Variants in SH3KBP1 observed in about 807,000 individuals in gnomAD.
The protein encoded by SH3KBP1 is SH3 domain containing kinase binding protein 1, also known as SH3 domain-containing kinase-binding protein 1.
A neutral mutation model predicts 50.1 loss-of-function variants in SH3KBP1; 8 were observed. The ratio of observed to expected loss-of-function variants is 0.16; its 90% CI spans 0.09 to 0.29. SH3KBP1 has a LOEUF of 0.29. Among genes scored for constraint, SH3KBP1 ranks in the 10% least tolerant of loss-of-function variants. SH3KBP1 has a pLI of 1.00. For missense variants in SH3KBP1, 377 were observed against 535.2 expected (o/e 0.70, Z 2.92); for synonymous variants, 227 against 218.6 (o/e 1.04, Z -0.34).
At chrX:19,623,124 C>T (rs958840287) in intron 8 of SH3KBP1, among the ~76,000 whole-genome samples, 2 of 108,782 alleles carry the variant, frequency 1.8e-5, no homozygotes, top group East Asian at 5.7e-4. Flanking sequence ...GAATCATTTA[C>T]CCATGCTGCC....
Position 19,692,693 on chromosome X carries a change from T to A in SH3KBP1, c.520+2919A>T, listed in dbSNP as rs757511855. On this transcript the variant is annotated intron_variant, in intron 5 of 17. Transcript: ENST00000397821. ...TGTATGTATATATATATATATATTT[T>A]TTTTTTTTTTTAATAGTCTCTTTCT... 7.8e-3 allele frequency among the ~76,000 whole-genome samples: 771 copies of A among 98,628 alleles called. 11 individuals carry two copies. Among genetic ancestry groups the A allele is most frequent in the African/African-American group, 0.011 (279 of 26,071 alleles). The allele number at this position is 98,628 out of a possible 115,157, so 85.6% of individuals were successfully genotyped here.
At chrX:19,874,476 G>A (rs2069180973) in intron 1 of SH3KBP1, among the ~76,000 whole-genome samples, 1 of 78,283 alleles carries the variant, frequency 1.3e-5, no homozygotes, top group South Asian at 8.2e-4. Flanking sequence ...TGAGGGGTGA[G>A]AGAAGAGAGG....
At chrX:19,626,534 C>T (rs1427511573) in intron 8 of SH3KBP1, among the ~76,000 whole-genome samples, 1 of 111,232 alleles carries the variant, frequency 9.0e-6, no homozygotes, top group East Asian at 2.8e-4. Flanking sequence ...GTTGGGGATG[C>T]CACTAACCGT....
chrX:19,561,654 T>C (rs1602476584), intron 13 of SH3KBP1, among the ~76,000 whole-genome samples: 1 of 111,500 alleles, frequency 9.0e-6, no homozygotes, highest in African/African-American at 3.3e-5. Flanking sequence ...CCAGTCATAA[T>C]GCACTGAGAA....
At chrX:19,704,842 C>A (rs1210218441) in intron 4 of SH3KBP1, among the ~76,000 whole-genome samples, 3 of 112,449 alleles carry the variant, frequency 2.7e-5, no homozygotes, top group Non-Finnish European at 5.6e-5. Flanking sequence ...TTGGAAAATA[C>A]AACTTAATTC....
Position 19,860,461 on chromosome X carries a change from G to C in SH3KBP1, c.5-24179C>G, listed in dbSNP as rs918069919. Among the ~76,000 whole-genome samples the C allele has an allele frequency of 2.0e-4, 22 of 110,728 alleles. 1 individual carries two copies. The highest frequency in any genetic ancestry group is 1.6e-3 in the Admixed American group (17 of 10,311). ...GTACAAGTGTGATTACCAGGGACTGGGGGGAGGGGGAATGAAAAGTAACTG... is the reference window on the plus strand; with the variant it reads ...GTACAAGTGTGATTACCAGGGACTGCGGGGAGGGGGAATGAAAAGTAACTG... On this transcript the variant is annotated intron_variant, in intron 1 of 17. Coordinates refer to ENST00000397821, the MANE Select transcript of SH3KBP1 (RefSeq NM_031892.3).
chrX:19,784,279 A>T (rs2066270876), intron 2 of SH3KBP1, among the ~76,000 whole-genome samples: 1 of 112,031 alleles, frequency 8.9e-6, no homozygotes, highest in African/African-American at 3.2e-5. Context: ...ATTCATTATA[A>T]AGATGATTAT....
chrX:19,562,711 T>C (rs1569288149), intron 13 of SH3KBP1, among the ~76,000 whole-genome samples: 1 of 110,896 alleles, frequency 9.0e-6, no homozygotes, highest in Non-Finnish European at 1.9e-5. Context: ...ATGCTGACTC[T>C]GCACATAGGT....
chrX:19,543,562 G>A (rs1425173163), intron 15 of SH3KBP1, among the ~76,000 whole-genome samples: 2 of 111,565 alleles, frequency 1.8e-5, no homozygotes, highest in Non-Finnish European at 3.8e-5. Flanking sequence ...TGAAGGTGTG[G>A]CCTGAAAGTT....
intron 6 of SH3KBP1, among the ~76,000 whole-genome samples, chrX:19,680,454 T>C (rs1048556928): frequency 3.7e-5 from 4 of 108,364 alleles, no homozygotes; most frequent in African/African-American, 1.4e-4. Context: ...CTGTTAATAA[T>C]GGTCAGATTC....
intron 13 of SH3KBP1, among the ~76,000 whole-genome samples, chrX:19,568,812 A>C (rs1375262063): frequency 8.8e-6 from 1 of 113,218 alleles, no homozygotes; most frequent in Non-Finnish European, 1.9e-5. Flanking sequence ...AACTGTGAAC[A>C]TAAGGGCTAA....
intron 12 of SH3KBP1, among the ~76,000 whole-genome samples, chrX:19,575,035 C>A (rs2066154549): frequency 8.9e-6 from 1 of 112,215 alleles, no homozygotes; most frequent in African/African-American, 3.2e-5. Context: ...GCCACTCAGA[C>A]TAATACAACA....
At chrX:19,876,440 G>C (rs951983909) in intron 1 of SH3KBP1, among the ~76,000 whole-genome samples, 1 of 111,581 alleles carries the variant, frequency 9.0e-6, no homozygotes, top group African/African-American at 3.3e-5. Flanking sequence ...TAATAACCCA[G>C]ATCAGCTGAG....
intron 6 of SH3KBP1, among the ~76,000 whole-genome samples, chrX:19,665,332 C>T (rs1196488541): frequency 1.8e-5 from 2 of 112,201 alleles, no homozygotes; most frequent in Non-Finnish European, 3.8e-5. Flanking sequence ...TCTGCCTTCA[C>T]TTTGCCAAAC....
intron 1 of SH3KBP1, among the ~76,000 whole-genome samples, chrX:19,875,654 G>C (rs921576354): frequency 8.9e-6 from 1 of 112,612 alleles, no homozygotes; most frequent in Non-Finnish European, 1.9e-5. Context: ...TGTGGGCATG[G>C]AGCAGCCACC....
chrX:19,816,761 C>T (rs2147310356), intron 2 of SH3KBP1, among the ~76,000 whole-genome samples: 1 of 111,760 alleles, frequency 8.9e-6, no homozygotes, highest in African/African-American at 3.2e-5. Context: ...TGAGCTGAGA[C>T]TGTGCCACTG....
intron 2 of SH3KBP1, among the ~76,000 whole-genome samples, chrX:19,830,825 C>A (rs1386971036): frequency 9.0e-6 from 1 of 111,262 alleles, no homozygotes; most frequent in East Asian, 2.8e-4. Context: ...TTAAAAGATT[C>A]TTCTTCCATA....
intron 1 of SH3KBP1, among the ~76,000 whole-genome samples, chrX:19,867,811 A>G (rs2068951474): frequency 9.0e-6 from 1 of 111,494 alleles, no homozygotes; most frequent in African/African-American, 3.3e-5. Context: ...AAATTTGACA[A>G]ATTAGCGACT....
chrX:19,548,150 C>G (rs777372588), intron 14 of SH3KBP1, among the ~76,000 whole-genome samples: 10 of 112,281 alleles, frequency 8.9e-5, no homozygotes, highest in African/African-American at 2.9e-4. Flanking sequence ...AATGAATGAA[C>G]AACTGTGTAG....
Sources: gnomAD v4.1 joint callset for allele counts (sites outside exome capture counted in the v4.1 genomes callset) on GRCh38, gnomAD v4.1.1 for gene constraint, MANE v1.5 for transcripts, NCBI Gene and HGNC (gene_info 2026-07-23, HGNC 2026-07-21) for gene names.